Variants in SPRED1 observed in about 807,000 individuals in gnomAD.
SPRED1 encodes sprouty-related, EVH1 domain-containing protein 1.
In SPRED1, 18 loss-of-function variants were observed where a neutral mutation model predicts 52.3. The observed-to-expected ratio is 0.34, with a 90% confidence interval of 0.24 to 0.51. SPRED1 has a LOEUF of 0.51. Ranked by LOEUF, SPRED1 falls within the 20% of genes least tolerant of loss-of-function variation. The pLI, the probability that SPRED1 is intolerant of heterozygous loss-of-function variation, is 0.97. For missense variants in SPRED1, 485 were observed against 551.0 expected (o/e 0.88, Z 1.20); for synonymous variants, 155 against 179.7 (o/e 0.86, Z 1.10).
intron 1 of SPRED1, among the ~76,000 whole-genome samples, chr15:38,261,009 G>A (rs916626553): frequency 3.3e-5 from 5 of 152,140 alleles, no homozygotes; most frequent in South Asian, 2.1e-4. Context: ...CTCACTCAGC[G>A]AACTAGAACA....
intron 4 of SPRED1, among the ~76,000 whole-genome samples, chr15:38,339,218 C>T (rs1430423816): frequency 1.3e-5 from 2 of 151,988 alleles, no homozygotes; most frequent in African/African-American, 4.8e-5. Context: ...AATAAGAGTA[C>T]ATGATTTAAA....
At chr15:38,281,858 C>A (rs1894697545) in intron 1 of SPRED1, among the ~76,000 whole-genome samples, 1 of 152,008 alleles carries the variant, frequency 6.6e-6, no homozygotes, top group African/African-American at 2.4e-5. Flanking sequence ...CCCAATTAAT[C>A]CTTTGGAATT....
chr15:38,349,426 C>T lies in SPRED1; in HGVS notation c.587C>T (p.Thr196Ile), dbSNP rs147474792. 1.0e-4 allele frequency: 166 copies of T among 1,608,952 alleles called. 1 individual carries two copies. The highest frequency in any genetic ancestry group is 1.3e-4 in the Non-Finnish European group (156 of 1,175,840). ...TAGAAATTGTTTGTATTTTAGATAA[C>T]ATTTGGTCAGCCAGGCTTGGACATT... is the stretch of plus-strand genomic sequence containing the variant. The part of the protein sequence containing the change: ...VYMQSQANQI[T>I]FGQPGLDIQS... Residue 196 changes from threonine to isoleucine, a missense_variant, in exon 6 of 7, where the codon ACA becomes ATA. This residue lies in a region of SPRED1 where 232 missense variants were observed against 231.8 expected (regional missense o/e 1.00). Coordinates refer to ENST00000299084, the MANE Select transcript of SPRED1 (RefSeq NM_152594.3).
intron 5 of SPRED1, 122 bp downstream of exon 5, chr15:38,340,017 C>T: frequency 2.4e-6 from 3 of 1,243,800 alleles, no homozygotes; most frequent in Admixed American, 2.0e-5. Flanking sequence ...CAAACAAAAA[C>T]CCCACAAACA....
intron 1 of SPRED1, among the ~76,000 whole-genome samples, chr15:38,285,746 C>A (rs1260231126): frequency 6.6e-6 from 1 of 152,176 alleles, no homozygotes; most frequent in Non-Finnish European, 1.5e-5. Flanking sequence ...TAAAAGATCA[C>A]TCAAATGTTC....
At chr15:38,272,626 T>C (rs1894462591) in intron 1 of SPRED1, among the ~76,000 whole-genome samples, 1 of 152,212 alleles carries the variant, frequency 6.6e-6, no homozygotes, top group Non-Finnish European at 1.5e-5. Context: ...CTCTCCACAG[T>C]GGCTGAACTA....
intron 1 of SPRED1, among the ~76,000 whole-genome samples, chr15:38,266,753 T>C (rs1894315281): frequency 6.6e-6 from 1 of 152,164 alleles, no homozygotes; most frequent in Non-Finnish European, 1.5e-5. Flanking sequence ...GACTGGCTTC[T>C]AGCCACCTTA....
At chr15:38,257,585 G>A (rs1428920523) in intron 1 of SPRED1, among the ~76,000 whole-genome samples, 3 of 152,166 alleles carry the variant, frequency 2.0e-5, no homozygotes, top group South Asian at 2.1e-4. Context: ...ATGTTTGGAT[G>A]TGCTTGGCCT....
At chr15:38,305,796 T>C (rs1200034047) in intron 2 of SPRED1, among the ~76,000 whole-genome samples, 2 of 152,242 alleles carry the variant, frequency 1.3e-5, no homozygotes, top group South Asian at 2.1e-4. Flanking sequence ...TCAGTTCTTA[T>C]GTTAAACTAT....
chr15:38,282,345 G>GCACACACACA (rs1566854071), intron 1 of SPRED1, among the ~76,000 whole-genome samples: 1 of 16,874 alleles, frequency 5.9e-5, no homozygotes, highest in African/African-American at 1.8e-4. Flanking sequence ...ACACACACAT[G>GCACACACACA]CACACACACA....
intron 1 of SPRED1, among the ~76,000 whole-genome samples, chr15:38,266,324 A>C (rs534855988): frequency 6.6e-6 from 1 of 152,312 alleles, no homozygotes; most frequent in East Asian, 1.9e-4. Flanking sequence ...ACAGTTAAGA[A>C]CATATAACAG....
At chr15:38,312,989 T>C (rs1916144) in intron 2 of SPRED1, among the ~76,000 whole-genome samples, 125,103 of 151,782 alleles carry the variant, frequency 0.82, 52,336 homozygotes, top group Non-Finnish European at 0.9. Flanking sequence ...ATTTGCCACA[T>C]TGAATGTATC....
chr15:38,339,345 AT>A (rs911484019), intron 4 of SPRED1, among the ~76,000 whole-genome samples: 2 of 152,076 alleles, frequency 1.3e-5, no homozygotes, highest in African/African-American at 2.4e-5. Context: ...TTCTTTGAAC[AT>A]TTTTTTAACT....
intron 1 of SPRED1, among the ~76,000 whole-genome samples, chr15:38,254,988 T>C (rs1894062732): frequency 6.6e-6 from 1 of 152,224 alleles, no homozygotes; most frequent in African/African-American, 2.4e-5. Context: ...TCTTACCAGT[T>C]TAATTTTTTT....
At chr15:38,350,053 G>A (rs1322107984) in intron 6 of SPRED1, among the ~76,000 whole-genome samples, 3 of 152,168 alleles carry the variant, frequency 2.0e-5, no homozygotes, top group Non-Finnish European at 4.4e-5. Flanking sequence ...TTACGTCATT[G>A]TTCAGAGACT....
chr15:38,315,218 T>C (rs1895451949), intron 2 of SPRED1, among the ~76,000 whole-genome samples: 1 of 151,944 alleles, frequency 6.6e-6, no homozygotes, highest in Admixed American at 6.6e-5. Flanking sequence ...TTATTTTTCA[T>C]TGGATTCAAA....
intron 2 of SPRED1, among the ~76,000 whole-genome samples, chr15:38,307,802 GTATATTTTTGCTTA>G (rs1194223867): frequency 6.6e-6 from 1 of 151,986 alleles, no homozygotes; most frequent in African/African-American, 2.4e-5. Context: ...GTGGGGAGGG[GTATATTTTTGCTTA>G]TTCTTTCAGA....
intron 1 of SPRED1, among the ~76,000 whole-genome samples, chr15:38,282,582 C>G (rs1163246052): frequency 6.6e-6 from 1 of 152,106 alleles, no homozygotes; most frequent in Non-Finnish European, 1.5e-5. Flanking sequence ...ATTTACTCCA[C>G]CTTTGTCTGA....
intron 1 of SPRED1, among the ~76,000 whole-genome samples, chr15:38,264,054 G>T (rs1331704478): frequency 6.6e-6 from 1 of 152,210 alleles, no homozygotes; most frequent in Non-Finnish European, 1.5e-5. Context: ...TAGTGGAGAA[G>T]AAGAGAAAGA....
Sources: allele counts gnomAD v4.1 joint callset (sites outside exome capture counted in the v4.1 genomes callset), GRCh38; gene constraint gnomAD v4.1.1; regional missense constraint gnomAD v4.1.1; transcripts MANE v1.5; gene names NCBI Gene and HGNC (gene_info 2026-07-23, HGNC 2026-07-21).